ARK2C: variants seen among roughly 807,000 people sequenced by gnomAD.
The protein encoded by ARK2C is arkadia (RNF111) C-terminal like ring finger ubiquitin ligase 2C.
At chr18:46,381,346 G>T in the ARK2C span, among the ~76,000 whole-genome samples, 1 of 152,222 alleles carries the variant, frequency 6.6e-6, no homozygotes, top group African/African-American at 2.4e-5. Context: ...CATGCCAAGA[G>T]AATTTGGAGC....
the ARK2C span, among the ~76,000 whole-genome samples, chr18:46,376,400 C>T: frequency 2.0e-5 from 3 of 152,176 alleles, no homozygotes; most frequent in Admixed American, 2.0e-4. Context: ...ACAGCGTGGC[C>T]CTGGACTGCC....
At chr18:46,453,530 A>C in the ARK2C span, among the ~76,000 whole-genome samples, 1 of 152,188 alleles carries the variant, frequency 6.6e-6, no homozygotes, top group Non-Finnish European at 1.5e-5. Context: ...TAAGGGAATA[A>C]AATATTATAA....
At chr18:46,359,130 A>T in the ARK2C span, among the ~76,000 whole-genome samples, 1 of 152,322 alleles carries the variant, frequency 6.6e-6, no homozygotes, top group South Asian at 2.1e-4. Context: ...TGAGAGGAAG[A>T]CGTTAGAAGC....
chr18:46,439,444 C>A, the ARK2C span, among the ~76,000 whole-genome samples: 6 of 152,168 alleles, frequency 3.9e-5, no homozygotes, highest in East Asian at 1.9e-4. Context: ...TGAGGTTGAA[C>A]CTTCTGAGGC....
chr18:46,450,242 C>T, the ARK2C span: 2 of 1,154,604 alleles, frequency 1.7e-6, no homozygotes, highest in East Asian at 4.7e-5. Context: ...GCATGCTGGG[C>T]TCATGGAGAA....
the ARK2C span, among the ~76,000 whole-genome samples, chr18:46,350,928 T>C: frequency 6.6e-6 from 1 of 152,172 alleles, no homozygotes; most frequent in Non-Finnish European, 1.5e-5. Context: ...CCGGGTTTAA[T>C]TTGTGAACAG....
At chr18:46,383,767 G>A in the ARK2C span, among the ~76,000 whole-genome samples, 2 of 152,134 alleles carry the variant, frequency 1.3e-5, no homozygotes, top group Non-Finnish European at 2.9e-5. Flanking sequence ...TGTTGGCCAG[G>A]ATGGTCTTGA....
At chr18:46,452,249 G>A in the ARK2C span, among the ~76,000 whole-genome samples, 1 of 152,112 alleles carries the variant, frequency 6.6e-6, no homozygotes, top group Non-Finnish European at 1.5e-5. Flanking sequence ...GGAGTATAGG[G>A]TATATGGGAA....
chr18:46,405,293 C>T, the ARK2C span, among the ~76,000 whole-genome samples: 1 of 152,066 alleles, frequency 6.6e-6, no homozygotes, highest in Admixed American at 6.5e-5. Context: ...GGGAGGTGCC[C>T]GTGGCCAGAC....
At chr18:46,442,112 G>C in the ARK2C span, among the ~76,000 whole-genome samples, 3 of 148,802 alleles carry the variant, frequency 2.0e-5, no homozygotes, top group African/African-American at 7.4e-5. Flanking sequence ...GCAGTGAGTC[G>C]AGATCGCGCC....
the ARK2C span, chr18:46,456,091 G>A: frequency 3.1e-5 from 48 of 1,524,150 alleles, no homozygotes; most frequent in African/African-American, 2.5e-4. Context: ...GTAGGAGACC[G>A]CCATTTTGAT....
chr18:46,451,432 C>T, the ARK2C span, among the ~76,000 whole-genome samples: 77 of 151,992 alleles, frequency 5.1e-4, 1 homozygote, highest in Admixed American at 4.9e-3. Context: ...ACCAAGATGT[C>T]CTTCAATAGA....
the ARK2C span, among the ~76,000 whole-genome samples, chr18:46,454,321 T>G: frequency 6.6e-6 from 1 of 152,060 alleles, no homozygotes; most frequent in South Asian, 2.1e-4. Flanking sequence ...GACCTCCTTT[T>G]TCTAGCAGGG....
At chr18:46,384,727 C>T in the ARK2C span, among the ~76,000 whole-genome samples, 1 of 152,154 alleles carries the variant, frequency 6.6e-6, no homozygotes, top group Admixed American at 6.5e-5. Context: ...TAGAAAATGG[C>T]CCATCATGGC....
At chr18:46,335,865 C>CT in the ARK2C span, 424 of 966,574 alleles carry the variant, frequency 4.4e-4, no homozygotes, top group Middle Eastern at 5.2e-4. Context: ...TTTATCAAAT[C>CT]TTTTTTTTTC....
At chr18:46,347,425 C>T in the ARK2C span, among the ~76,000 whole-genome samples, 10 of 152,192 alleles carry the variant, frequency 6.6e-5, no homozygotes, top group African/African-American at 2.4e-4. Context: ...TGCCTGAGTG[C>T]TCCAATGGGT....
chr18:46,409,589 A>G, the ARK2C span, among the ~76,000 whole-genome samples: 1 of 152,122 alleles, frequency 6.6e-6, no homozygotes, highest in Non-Finnish European at 1.5e-5. Flanking sequence ...CCAGAGTGGA[A>G]GTTGTGGTGC....
chr18:46,347,526 CCT>C, the ARK2C span, among the ~76,000 whole-genome samples: 1 of 152,142 alleles, frequency 6.6e-6, no homozygotes, highest in African/African-American at 2.4e-5. Flanking sequence ...AGCGGGCAAC[CCT>C]CTTGGGGCAC....
chr18:46,380,798 C>G, the ARK2C span, among the ~76,000 whole-genome samples: 1 of 152,178 alleles, frequency 6.6e-6, no homozygotes, highest in African/African-American at 2.4e-5. Context: ...TAGTGCTCCC[C>G]CAACCCCCGG....
Sources: gnomAD v4.1 joint callset for allele counts (sites outside exome capture counted in the v4.1 genomes callset) on GRCh38, gnomAD v4.1.1 for gene constraint, MANE v1.5 for transcripts, NCBI Gene and HGNC (gene_info 2026-07-23, HGNC 2026-07-21) for gene names.